Variants in GPR158 observed in about 807,000 individuals in gnomAD.
GPR158 encodes the protein metabotropic glycine receptor.
A neutral mutation model predicts 78.2 loss-of-function variants in GPR158; 30 were observed. That is an observed-to-expected ratio of 0.38 (90% confidence interval 0.29 to 0.52). GPR158 has a LOEUF of 0.52. Among genes scored for constraint, GPR158 ranks in the 20% least tolerant of loss-of-function variants. GPR158 has a pLI of 0.83. For synonymous variants in GPR158, 581 were observed against 591.1 expected, an observed-to-expected ratio of 0.98 and a Z score of 0.25; for missense variants, 1,463 against 1,523.5, an observed-to-expected ratio of 0.96 and a Z score of 0.66.
chr10:25,339,319 G>A (rs1855270779), intron 2 of GPR158, among the ~76,000 whole-genome samples: 1 of 151,950 alleles, frequency 6.6e-6, no homozygotes, highest in South Asian at 2.1e-4. Context: ...TAATGCTATT[G>A]TAATATCTTT....
intron 2 of GPR158, among the ~76,000 whole-genome samples, chr10:25,234,167 T>A (rs1853491694): frequency 6.6e-6 from 1 of 152,190 alleles, no homozygotes; most frequent in Non-Finnish European, 1.5e-5. Context: ...GCATGATTTC[T>A]GACCTTAATT....
chr10:25,421,863 A>G (rs546402291), intron 4 of GPR158, among the ~76,000 whole-genome samples: 1 of 152,178 alleles, frequency 6.6e-6, no homozygotes, highest in Non-Finnish European at 1.5e-5. Flanking sequence ...AGAGCAACCA[A>G]TTTCAAAGGC....
At chr10:25,204,486 G>A (rs1219650104) in intron 1 of GPR158, among the ~76,000 whole-genome samples, 3 of 152,090 alleles carry the variant, frequency 2.0e-5, no homozygotes, top group African/African-American at 7.2e-5. Context: ...TTTGTCAAAG[G>A]CCTTTTCTGC....
chr10:25,203,714 C>T (rs1852969084), intron 1 of GPR158, among the ~76,000 whole-genome samples: 1 of 144,690 alleles, frequency 6.9e-6, no homozygotes, highest in South Asian at 2.3e-4. Context: ...GTTCTTTTGG[C>T]TTAGGATTGT....
At chr10:25,393,452 A>G (rs1272715412) in intron 2 of GPR158, 1 of 152,248 alleles carries the variant, frequency 6.6e-6, no homozygotes, top group Non-Finnish European at 1.5e-5. Flanking sequence ...CTAACTTACA[A>G]CAAACTCCAC....
chr10:25,403,055 AT>A (rs1834467722), intron 3 of GPR158, among the ~76,000 whole-genome samples: 1 of 151,808 alleles, frequency 6.6e-6, no homozygotes, highest in African/African-American at 2.4e-5. Context: ...TGTATATATC[AT>A]CTTTCTAAAA....
intron 1 of GPR158, among the ~76,000 whole-genome samples, chr10:25,218,153 C>G (rs1588740887): frequency 3.3e-5 from 5 of 152,168 alleles, no homozygotes; most frequent in Admixed American, 3.3e-4. Context: ...CGCTTCCCCC[C>G]GACAGGAAGT....
intron 1 of GPR158, among the ~76,000 whole-genome samples, chr10:25,219,565 T>C (rs1268156246): frequency 6.6e-6 from 1 of 152,230 alleles, no homozygotes; most frequent in African/African-American, 2.4e-5. Context: ...AAACATATTC[T>C]GGATTATCTG....
chr10:25,372,747 T>C (rs939880817), intron 2 of GPR158, among the ~76,000 whole-genome samples: 74 of 147,308 alleles, frequency 5.0e-4, no homozygotes, highest in African/African-American at 1.8e-3. Context: ...CTGGGAGATA[T>C]ACCTAATGCT....
intron 2 of GPR158, among the ~76,000 whole-genome samples, chr10:25,295,109 T>C (rs1201590983): frequency 6.6e-6 from 1 of 152,212 alleles, no homozygotes; most frequent in Non-Finnish European, 1.5e-5. Flanking sequence ...GACCTCCCTG[T>C]CTTACCCACA....
intron 2 of GPR158, among the ~76,000 whole-genome samples, chr10:25,305,639 G>A (rs1323315575): frequency 6.6e-6 from 1 of 152,158 alleles, no homozygotes; most frequent in African/African-American, 2.4e-5. Context: ...TCCTCTGGCA[G>A]TCGAGGACTG....
intron 5 of GPR158, among the ~76,000 whole-genome samples, chr10:25,541,082 C>A (rs1005221877): frequency 2.6e-5 from 4 of 151,332 alleles, no homozygotes; most frequent in South Asian, 2.1e-4. Flanking sequence ...ACTTTACTTT[C>A]CCACTAGCTA....
At chr10:25,313,234 A>C (rs1173529075) in intron 2 of GPR158, among the ~76,000 whole-genome samples, 1 of 122,432 alleles carries the variant, frequency 8.2e-6, no homozygotes, top group East Asian at 2.6e-4. Flanking sequence ...TTTAAAAAGC[A>C]CTGGGGACTG....
chr10:25,423,872 T>C (rs1486482515), intron 4 of GPR158, among the ~76,000 whole-genome samples: 1 of 152,242 alleles, frequency 6.6e-6, no homozygotes, highest in Non-Finnish European at 1.5e-5. Flanking sequence ...TATAGTAACA[T>C]GATTTATAAT....
intron 4 of GPR158, 51 bp downstream of exon 4, chr10:25,412,524 T>C (rs1024742443): frequency 4.8e-6 from 6 of 1,261,458 alleles, no homozygotes; most frequent in Non-Finnish European, 6.9e-6. Context: ...CAACCTCTTA[T>C]CTTTTTAAGC....
intron 6 of GPR158, among the ~76,000 whole-genome samples, chr10:25,555,160 C>T (rs1333214429): frequency 2.0e-5 from 3 of 152,084 alleles, no homozygotes; most frequent in Non-Finnish European, 4.4e-5. Flanking sequence ...TAGTGTGATG[C>T]CTCCAGCTTT....
intron 1 of GPR158, among the ~76,000 whole-genome samples, chr10:25,193,253 G>T (rs1292859103): frequency 3.3e-5 from 5 of 152,124 alleles, no homozygotes; most frequent in African/African-American, 1.2e-4. Flanking sequence ...AGAACCAAGT[G>T]CTATAAGGAA....
chr10:25,237,454 A>G lies in GPR158; in HGVS notation c.1008+16297A>G, dbSNP rs563776209. Among the ~76,000 whole-genome samples, 47 of 152,354 alleles carry G rather than the reference A, an allele frequency of 3.1e-4. 1 individual carries two copies. Among genetic ancestry groups the G allele is most frequent in the Admixed American group, 9.1e-4 (14 of 15,306 alleles). On this transcript the variant is annotated intron_variant, in intron 2 of 10. Coordinates refer to ENST00000376351, the MANE Select transcript of GPR158 (RefSeq NM_020752.3). Reference sequence around the variant, plus strand: ...TATTAGGGAATGTCTATCATCATACATACTATAATCAACTATTATTTTTAG... The same window carrying G: ...TATTAGGGAATGTCTATCATCATACGTACTATAATCAACTATTATTTTTAG...
intron 2 of GPR158, among the ~76,000 whole-genome samples, chr10:25,363,537 C>A (rs571388654): frequency 1.3e-5 from 2 of 151,930 alleles, no homozygotes; most frequent in Middle Eastern, 3.4e-3. Context: ...GGCAAGGAGG[C>A]AGGAGGAAAT....
Sources: allele counts gnomAD v4.1 joint callset (sites outside exome capture counted in the v4.1 genomes callset), GRCh38; gene constraint gnomAD v4.1.1; transcripts MANE v1.5; gene names NCBI Gene and HGNC (gene_info 2026-07-23, HGNC 2026-07-21).